Variants in ZEB2 observed in about 807,000 individuals in gnomAD.
The protein encoded by ZEB2 is zinc finger E-box-binding homeobox 2.
Under a neutral mutation model 99.9 loss-of-function variants are expected in ZEB2, and 6 were observed. That is an observed-to-expected ratio of 0.06 (90% CI 0.03 to 0.12). ZEB2 has a LOEUF of 0.12. Among genes scored for constraint, ZEB2 ranks in the 10% least tolerant of loss-of-function variants. The pLI, the probability that ZEB2 is intolerant of heterozygous loss-of-function variation, is 1.00. For synonymous variants in ZEB2, 517 were observed against 542.5 expected, an observed-to-expected ratio of 0.95 and a Z score of 0.65; for missense variants, 969 against 1,502.8, an observed-to-expected ratio of 0.64 and a Z score of 5.87.
rs374811025 is a variant in ZEB2, at chr2:144,418,694, A to C, written c.403+6102T>G. ...AAAGAGCGAGACTCCATCTCAAAAA[A>C]AAACAAACAAACAAAAAAAAAAAAA... On this transcript the variant is annotated intron_variant, in intron 4 of 9. Transcript: ENST00000627532. 3.9e-3 allele frequency among the ~76,000 whole-genome samples: 586 copies of C among 149,208 alleles called. 2 individuals are homozygous for C. Among genetic ancestry groups the C allele is most frequent in the African/African-American group, 0.011 (453 of 40,130 alleles).
intron 2 of ZEB2, among the ~76,000 whole-genome samples, chr2:144,483,867 G>C (rs1276230443): frequency 6.6e-6 from 1 of 152,144 alleles, no homozygotes; most frequent in Non-Finnish European, 1.5e-5. Context: ...GCCTAAGATA[G>C]TTCCAACTTT....
Position 144,517,411 on chromosome 2 carries a change from A to G in ZEB2, c.-61T>C. Reference sequence around the variant, plus strand: ...TCGGCGCCCTGCTTCGGCAGCACGCAGGCTCGATCTAGCAACCAAACACAG... The same window carrying G: ...TCGGCGCCCTGCTTCGGCAGCACGCGGGCTCGATCTAGCAACCAAACACAG... On this transcript the variant is annotated 5_prime_UTR_variant, in exon 2 of 10. Coordinates refer to ENST00000627532, the MANE Select transcript of ZEB2 (RefSeq NM_014795.4). The G allele has an allele frequency of 6.3e-7, 1 of 1,591,266 alleles. No individual in the cohort carries two copies.
At chr2:144,413,687 T>C (rs1703495906) in intron 4 of ZEB2, among the ~76,000 whole-genome samples, 1 of 152,196 alleles carries the variant, frequency 6.6e-6, no homozygotes, top group Admixed American at 6.5e-5. Flanking sequence ...TGACATACTT[T>C]GTAATAGTAT....
At chr2:144,481,702 A>G (rs565319704) in intron 2 of ZEB2, among the ~76,000 whole-genome samples, 20 of 152,356 alleles carry the variant, frequency 1.3e-4, no homozygotes, top group African/African-American at 4.6e-4. Context: ...GATCTTCAGT[A>G]TAAGCAATAT....
intron 2 of ZEB2, among the ~76,000 whole-genome samples, chr2:144,484,218 A>G (rs913353248): frequency 8.6e-4 from 21 of 24,360 alleles, no homozygotes; most frequent in Non-Finnish European, 6.8e-4. Flanking sequence ...TGTGTGAAAT[A>G]GCCCAATTTT....
Position 144,399,516 on chromosome 2 carries a change from C to T in ZEB2, c.1671G>A (p.Glu557=), listed in dbSNP as rs1347544165. The T allele has an allele frequency of 6.2e-7, 1 of 1,614,186 alleles. No homozygotes were observed. The highest frequency in any genetic ancestry group is 1.1e-5 in the South Asian group (1 of 91,084). Residue 557 remains glutamate (E), a synonymous_variant, in exon 8 of 10, where the codon GAG becomes GAA. Coordinates refer to ENST00000627532, the MANE Select transcript of ZEB2 (RefSeq NM_014795.4). The surrounding 1 kb of genome is among the most constrained non-coding windows in gnomAD (Gnocchi z 5.6). ...CCAAATCTATTAAAGTACGTAGCTT[C>T]TCTTTCTTTATATTACTGATCTGTC... ...SRRQISNIKK[E]KLRTLIDLVT...
chr2:144,483,607 G>A (rs1704550384), intron 2 of ZEB2, among the ~76,000 whole-genome samples: 1 of 152,200 alleles, frequency 6.6e-6, no homozygotes, highest in Non-Finnish European at 1.5e-5. Flanking sequence ...TATTTATGAA[G>A]ATGTTAGTTT....
chr2:144,456,275 T>C (rs1401300809), intron 2 of ZEB2, among the ~76,000 whole-genome samples: 1 of 152,230 alleles, frequency 6.6e-6, no homozygotes, highest in Non-Finnish European at 1.5e-5. Context: ...CTTTCTCTTG[T>C]AGTAGTGTAA....
intron 2 of ZEB2, among the ~76,000 whole-genome samples, chr2:144,457,770 C>T (rs1573767382): frequency 6.6e-6 from 1 of 152,018 alleles, no homozygotes; most frequent in South Asian, 2.1e-4. Flanking sequence ...GCCAATCTCC[C>T]CCCATATTTA....
At chr2:144,410,399 T>C (rs1202246303) in intron 4 of ZEB2, among the ~76,000 whole-genome samples, 2 of 152,162 alleles carry the variant, frequency 1.3e-5, no homozygotes, top group Non-Finnish European at 2.9e-5. Context: ...CTGCGTTAGA[T>C]AGATAATTGA....
chr2:144,397,009 T>A (rs1703238456), intron 8 of ZEB2, among the ~76,000 whole-genome samples: 1 of 152,180 alleles, frequency 6.6e-6, no homozygotes, highest in South Asian at 2.1e-4. Flanking sequence ...AATTTTATAT[T>A]TAGGTACAAA....
At chr2:144,417,260 T>C (rs988965673) in intron 4 of ZEB2, among the ~76,000 whole-genome samples, 2 of 152,180 alleles carry the variant, frequency 1.3e-5, no homozygotes, top group African/African-American at 4.8e-5. Flanking sequence ...TAAAATTTTA[T>C]GTTGCTTAGT....
In ZEB2 at chr2:144,404,261, C is replaced by T. The variant is rs1703351548; in HGVS notation, c.593-131G>A. ...TCTGCTCCACAGAGTGCCATCATTGCACCCGGCCCCCTCGCACACCAGTCC... is the reference window on the plus strand; with the variant it reads ...TCTGCTCCACAGAGTGCCATCATTGTACCCGGCCCCCTCGCACACCAGTCC... On this transcript the variant is annotated intron_variant, in intron 5 of 9. Coordinates refer to ENST00000627532, the MANE Select transcript of ZEB2 (RefSeq NM_014795.4). 22 of 1,019,834 alleles carry T rather than the reference C, an allele frequency of 2.2e-5. No individual in the cohort carries two copies. The South Asian group carries it at 3.0e-4, about 14-fold the overall frequency. The allele number at this position is 1,019,834 out of a possible 1,614,324, so 63.2% of individuals were successfully genotyped here. A position where few individuals can be genotyped will look rare whatever the true frequency, so the allele number is the denominator to read the frequency against.
intron 2 of ZEB2, among the ~76,000 whole-genome samples, chr2:144,457,994 C>A (rs999397877): frequency 1.3e-5 from 2 of 151,980 alleles, no homozygotes; most frequent in Non-Finnish European, 2.9e-5. Context: ...TATACTAAGG[C>A]GAATTTAGAG....
chr2:144,432,057 T>A (rs925228368), intron 2 of ZEB2, among the ~76,000 whole-genome samples: 20 of 149,904 alleles, frequency 1.3e-4, no homozygotes, highest in African/African-American at 4.4e-4. Context: ...GACCACAATA[T>A]CCCGTGTGAC....
At chr2:144,407,441 G>T (rs1200863305) in intron 4 of ZEB2, among the ~76,000 whole-genome samples, 1 of 152,206 alleles carries the variant, frequency 6.6e-6, no homozygotes, top group Non-Finnish European at 1.5e-5. Flanking sequence ...CTTATTGGTG[G>T]TGACTGTGAT....
intron 4 of ZEB2, among the ~76,000 whole-genome samples, chr2:144,419,989 G>C (rs1055964018): frequency 6.6e-6 from 1 of 152,062 alleles, no homozygotes; most frequent in African/African-American, 2.4e-5. Flanking sequence ...TTAGATCCTA[G>C]TTTCACTCTC....
intron 2 of ZEB2, among the ~76,000 whole-genome samples, chr2:144,453,498 A>G (rs1317507555): frequency 1.3e-5 from 2 of 152,228 alleles, no homozygotes; most frequent in African/African-American, 2.4e-5. Flanking sequence ...ACAAAGGTGG[A>G]AAAAGAAATC....
intron 2 of ZEB2, among the ~76,000 whole-genome samples, chr2:144,500,415 A>G (rs887675034): frequency 2.6e-5 from 4 of 152,206 alleles, no homozygotes; most frequent in African/African-American, 9.6e-5. Context: ...GTAATTTAGT[A>G]ATTGTTTTTG....
Sources: gnomAD v4.1 joint callset for allele counts (sites outside exome capture counted in the v4.1 genomes callset) on GRCh38, gnomAD v4.1.1 for gene constraint, Gnocchi (gnomAD v3.1) non-coding constraint, MANE v1.5 for transcripts, NCBI Gene and HGNC (gene_info 2026-07-23, HGNC 2026-07-21) for gene names.